Variants in EPB41L4A observed in about 807,000 individuals in gnomAD.
EPB41L4A encodes the protein band 4.1-like protein 4A.
A neutral mutation model predicts 108.6 loss-of-function variants in EPB41L4A; 100 were observed. That is an observed-to-expected ratio of 0.92 (90% CI 0.78 to 1.09). EPB41L4A has a LOEUF of 1.09. EPB41L4A is among the 50% of genes least tolerant of loss of function. EPB41L4A has a pLI of 0.00. For synonymous variants in EPB41L4A, 319 were observed against 289.0 expected (o/e 1.10, Z -1.05); for missense variants, 1,030 against 842.7 (o/e 1.22, Z -2.75).
At position 112,401,883 on chromosome 5, in the gene EPB41L4A, T is replaced by C. The variant is rs1324961063; in HGVS notation, c.99+17058A>G. On this transcript the variant is annotated intron_variant, in intron 1 of 22. Coordinates refer to ENST00000261486, the MANE Select transcript of EPB41L4A (RefSeq NM_022140.5). ...TGATTAGAAAACTAGCAACTTGGCA[T>C]GTCTAATAAGCCATGAATTCCACTT... is the stretch of plus-strand genomic sequence containing the variant. Among the ~76,000 whole-genome samples, 4 of 152,368 alleles carry C rather than the reference T, an allele frequency of 2.6e-5. No individual in the cohort carries two copies. The East Asian group carries it at 5.8e-4, about 22-fold the overall frequency.
intron 1 of EPB41L4A, among the ~76,000 whole-genome samples, chr5:112,311,269 A>G (rs1374229253): frequency 1.3e-5 from 2 of 152,162 alleles, no homozygotes; most frequent in Non-Finnish European, 2.9e-5. Context: ...CCAAGTAAAA[A>G]TCCTGAGTAA....
intron 12 of EPB41L4A, among the ~76,000 whole-genome samples, chr5:112,226,810 G>A (rs960354269): frequency 1.3e-5 from 2 of 151,962 alleles, no homozygotes; most frequent in Non-Finnish European, 2.9e-5. Context: ...ATCACCAAGA[G>A]CTGGGGAGAG....
chr5:112,230,393 TA>T (rs55676028), intron 12 of EPB41L4A, among the ~76,000 whole-genome samples: 33,387 of 151,906 alleles, frequency 0.22, 4,312 homozygotes, highest in Non-Finnish European at 0.3. Context: ...CAACATCTAT[TA>T]TTTTTTTTAT....
intron 9 of EPB41L4A, among the ~76,000 whole-genome samples, chr5:112,246,039 A>C (rs1299301142): frequency 1.3e-5 from 2 of 152,228 alleles, no homozygotes; most frequent in Non-Finnish European, 2.9e-5. Context: ...ATGAATTCAG[A>C]AAGTGTTTTC....
At chr5:112,232,596 T>C (rs1418242428) in intron 12 of EPB41L4A, among the ~76,000 whole-genome samples, 1 of 152,188 alleles carries the variant, frequency 6.6e-6, no homozygotes. Flanking sequence ...CACACAGGAA[T>C]GGTAAAATAA....
chr5:112,294,606 T>C (rs17134327), intron 2 of EPB41L4A, among the ~76,000 whole-genome samples: 30,850 of 151,844 alleles, frequency 0.2, 4,275 homozygotes, highest in African/African-American at 0.39. Flanking sequence ...ATGGTAATGA[T>C]AAACAAGATT....
At chr5:112,345,584 T>C (rs1243228143) in intron 1 of EPB41L4A, among the ~76,000 whole-genome samples, 1 of 152,150 alleles carries the variant, frequency 6.6e-6, no homozygotes, top group Non-Finnish European at 1.5e-5. Context: ...ATATTATTTA[T>C]ACAATGAAAT....
intron 13 of EPB41L4A, 80 bp downstream of exon 13, chr5:112,209,812 G>T: frequency 2.5e-6 from 2 of 808,054 alleles, no homozygotes; most frequent in South Asian, 1.8e-5. Context: ...AAAGTTAAAA[G>T]ATTTTTAACC....
At chr5:112,319,805 G>A (rs1383281172) in intron 1 of EPB41L4A, among the ~76,000 whole-genome samples, 1 of 152,180 alleles carries the variant, frequency 6.6e-6, no homozygotes, top group Non-Finnish European at 1.5e-5. Context: ...GGGGTCCGTG[G>A]ATTAGATGAG....
Position 112,264,961 on chromosome 5 carries a change from G to T in EPB41L4A, c.489C>A (p.Tyr163Ter). 4 of 1,611,348 alleles carry T rather than the reference G, an allele frequency of 2.5e-6. No individual in the cohort carries two copies. Among genetic ancestry groups the T allele is most frequent in the Non-Finnish European group, 3.4e-6 (4 of 1,178,686 alleles). Residue 163 changes from tyrosine (Y) to a stop codon, truncating the protein, a stop_gained, in exon 6 of 23, where the codon TAC becomes TAA. Transcript: ENST00000261486. LOFTEE classifies it high-confidence loss of function. The stretch of plus-strand genomic sequence containing the variant: ...CTTCCTTCTGATCAGGAACAAACCG[G>T]TACTCAGATACATATCCTGCAGTAT... ...YKHTAGYVSE[Y>*]RFVPDQKEEL...
chr5:112,339,477 T>TAG, intron 1 of EPB41L4A, among the ~76,000 whole-genome samples: 1 of 11,132 alleles, frequency 9.0e-5, no homozygotes, highest in East Asian at 1.0e-3. Context: ...TATATATCTA[T>TAG]ATATATATAT....
intron 15 of EPB41L4A, 62 bp downstream of exon 15, chr5:112,204,313 T>C (rs2150296556): frequency 1.8e-6 from 2 of 1,106,214 alleles, no homozygotes; most frequent in South Asian, 2.6e-5. Flanking sequence ...TATTATAAAG[T>C]CAGGCCTGGG....
intron 1 of EPB41L4A, among the ~76,000 whole-genome samples, chr5:112,395,132 C>T (rs1464508635): frequency 6.6e-6 from 1 of 152,130 alleles, no homozygotes; most frequent in African/African-American, 2.4e-5. Flanking sequence ...GCCCTAAAAC[C>T]ATACGAACCC....
chr5:112,223,402 A>C (rs2150341403), intron 12 of EPB41L4A, among the ~76,000 whole-genome samples: 1 of 152,310 alleles, frequency 6.6e-6, no homozygotes, highest in South Asian at 2.1e-4. Flanking sequence ...CAGAGTTTTC[A>C]AAGTCTGAAG....
At chr5:112,185,202 C>G (rs10054560) in intron 17 of EPB41L4A, among the ~76,000 whole-genome samples, 114,850 of 151,900 alleles carry the variant, frequency 0.76, 43,839 homozygotes, top group East Asian at 1. Flanking sequence ...CCAGGGTATA[C>G]AGAGCGGCAT....
chr5:112,189,307 A>G (rs1024522971), intron 17 of EPB41L4A, among the ~76,000 whole-genome samples: 2 of 152,224 alleles, frequency 1.3e-5, no homozygotes, highest in East Asian at 3.9e-4. Context: ...AAGCACATCT[A>G]TTATCTCGGG....
intron 17 of EPB41L4A, among the ~76,000 whole-genome samples, chr5:112,189,253 C>G (rs1386449262): frequency 6.6e-6 from 1 of 152,212 alleles, no homozygotes; most frequent in African/African-American, 2.4e-5. Flanking sequence ...TGGATGTTAT[C>G]AATTTAACAG....
chr5:112,201,995 T>C (rs908058173), intron 15 of EPB41L4A, among the ~76,000 whole-genome samples: 4 of 152,294 alleles, frequency 2.6e-5, no homozygotes, highest in African/African-American at 9.6e-5. Flanking sequence ...TCATCTATAA[T>C]CTACTCTCTA....
intron 12 of EPB41L4A, among the ~76,000 whole-genome samples, chr5:112,149,899 T>A (rs1759402338): frequency 6.6e-6 from 1 of 151,840 alleles, no homozygotes; most frequent in South Asian, 2.1e-4. Flanking sequence ...CACTTGGGAG[T>A]TAGGAGATAA....
Sources: gnomAD v4.1 joint callset for allele counts (sites outside exome capture counted in the v4.1 genomes callset) on GRCh38, gnomAD v4.1.1 for gene constraint, MANE v1.5 for transcripts, NCBI Gene and HGNC (gene_info 2026-07-23, HGNC 2026-07-21) for gene names.